Variants in MEI4 observed in about 807,000 individuals in gnomAD.
MEI4 encodes the protein meiosis-specific protein MEI4.
MEI4 carries 27 observed loss-of-function variants against 31.4 expected under a neutral mutation model. The ratio of observed to expected loss-of-function variants is 0.86; its 90% CI spans 0.63 to 1.19. MEI4 has a LOEUF of 1.19. MEI4 is among the 50% of genes most tolerant of loss of function. The pLI is 0.00. For missense variants in MEI4, 329 were observed against 398.9 expected (o/e 0.82, Z 1.49); for synonymous variants, 122 against 145.4 (o/e 0.84, Z 1.16).
At chr6:77,706,988 AAC>A (rs1766346555) in intron 2 of MEI4, among the ~76,000 whole-genome samples, 1 of 148,594 alleles carries the variant, frequency 6.7e-6, no homozygotes, top group Non-Finnish European at 1.5e-5. Flanking sequence ...ATTGGTACTA[AAC>A]AATGTGACGT....
At chr6:77,694,488 C>T (rs1161146593) in intron 2 of MEI4, among the ~76,000 whole-genome samples, 2 of 151,502 alleles carry the variant, frequency 1.3e-5, no homozygotes, top group Admixed American at 1.3e-4. Flanking sequence ...GTTCAATTCC[C>T]ACCTATGAGT....
chr6:77,745,715 G>T (rs199618412), intron 2 of MEI4, among the ~76,000 whole-genome samples: 1 of 151,850 alleles, frequency 6.6e-6, no homozygotes, highest in Non-Finnish European at 1.5e-5. Flanking sequence ...ACCACATACT[G>T]GGAAGTAAAG....
intron 1 of MEI4, among the ~76,000 whole-genome samples, chr6:77,656,115 C>T (rs190998457): frequency 1.3e-5 from 2 of 152,164 alleles, no homozygotes; most frequent in East Asian, 3.9e-4. Context: ...TGGCAGAACT[C>T]TGGAAAATAA....
In MEI4 at chr6:77,859,724, T is replaced by G. The variant is rs541884089; in HGVS notation, c.900+30662T>G. The stretch of plus-strand genomic sequence containing the variant: ...TCTTATTGGGGCTACTCGTGCATAT[T>G]AAATCATGGAAAAAGAATCTCTTGA... On this transcript the variant is annotated intron_variant, in intron 4 of 4. Coordinates refer to ENST00000684080, the MANE Select transcript of MEI4 (RefSeq NM_001322247.2). Among the ~76,000 whole-genome samples, 48 of 152,316 alleles carry G rather than the reference T, an allele frequency of 3.2e-4. No individual in the cohort carries two copies. The South Asian group carries it at 9.5e-3, about 30-fold the overall frequency.
At chr6:77,807,227 A>T (rs991953531) in intron 3 of MEI4, among the ~76,000 whole-genome samples, 7 of 152,026 alleles carry the variant, frequency 4.6e-5, no homozygotes, top group African/African-American at 1.7e-4. Flanking sequence ...GTGAGTTAAG[A>T]AGTAATTTTA....
intron 4 of MEI4, among the ~76,000 whole-genome samples, chr6:77,916,606 T>A (rs1436443882): frequency 1.3e-5 from 2 of 152,042 alleles, no homozygotes. Flanking sequence ...GTATTCCAAA[T>A]CTTTGTTGTC....
At chr6:77,747,365 C>A (rs1460102282) in intron 2 of MEI4, among the ~76,000 whole-genome samples, 1 of 151,992 alleles carries the variant, frequency 6.6e-6, no homozygotes, top group Non-Finnish European at 1.5e-5. Context: ...GTATAGTTTA[C>A]AAAGAAAATA....
chr6:77,890,108 G>C lies in MEI4; in HGVS notation c.901-32981G>C, dbSNP rs1487551552. Among the ~76,000 whole-genome samples, 3 of 152,280 alleles carry C rather than the reference G, an allele frequency of 2.0e-5. No individual in the cohort carries two copies. In the East Asian group the frequency reaches 5.8e-4, roughly 29 times the overall value. Reference sequence around the variant, plus strand: ...CAGTCCCCATATACAGTCTCCACTGGGGCACTACCTAGTGGAACTGTCAGA... The same window carrying C: ...CAGTCCCCATATACAGTCTCCACTGCGGCACTACCTAGTGGAACTGTCAGA... On this transcript the variant is annotated intron_variant, in intron 4 of 4. Coordinates refer to ENST00000684080, the MANE Select transcript of MEI4 (RefSeq NM_001322247.2).
intron 2 of MEI4, among the ~76,000 whole-genome samples, chr6:77,738,331 G>A (rs910739554): frequency 2.6e-5 from 4 of 152,296 alleles, no homozygotes; most frequent in African/African-American, 4.8e-5. Flanking sequence ...GCATTTGAGA[G>A]TGATACCTCT....
At chr6:77,769,301 T>C (rs1606447) in intron 3 of MEI4, among the ~76,000 whole-genome samples, 127,306 of 152,166 alleles carry the variant, frequency 0.84, 53,842 homozygotes, top group African/African-American at 0.96. Flanking sequence ...ATAGAGGGAA[T>C]GTTTATACTA....
intron 2 of MEI4, among the ~76,000 whole-genome samples, chr6:77,726,684 A>G (rs1248964102): frequency 6.6e-6 from 1 of 152,144 alleles, no homozygotes; most frequent in African/African-American, 2.4e-5. Context: ...TGTGTGTGGG[A>G]TGTAGGAGAG....
intron 4 of MEI4, among the ~76,000 whole-genome samples, chr6:77,855,472 T>C (rs1044464012): frequency 6.6e-6 from 1 of 152,240 alleles, no homozygotes; most frequent in African/African-American, 2.4e-5. Context: ...GGCTGAGGTC[T>C]ATCTTACTCT....
intron 4 of MEI4, among the ~76,000 whole-genome samples, chr6:77,863,904 A>G (rs895998627): frequency 2.0e-5 from 3 of 152,206 alleles, no homozygotes; most frequent in African/African-American, 4.8e-5. Context: ...CTACAAGCCA[A>G]AAGAGAGTGG....
chr6:77,702,221 T>C lies in MEI4; in HGVS notation c.232+11318T>C, dbSNP rs896385767. ...TCACCTCTTTGTCCTTCTCACCCTG[T>C]TCCAGACGACGTACTGAGGAAACAT... On this transcript the variant is annotated intron_variant, in intron 2 of 4. Transcript: ENST00000684080. Among the ~76,000 whole-genome samples, 8 of 152,308 alleles carry C rather than the reference T, an allele frequency of 5.3e-5. No homozygotes were observed. In the East Asian group the frequency reaches 1.5e-3, roughly 29 times the overall value.
At chr6:77,855,862 ATCT>A (rs1178329975) in intron 4 of MEI4, among the ~76,000 whole-genome samples, 5 of 152,296 alleles carry the variant, frequency 3.3e-5, no homozygotes, top group East Asian at 3.9e-4. Flanking sequence ...GAATATTCTA[ATCT>A]TCTTATCACA....
At chr6:77,871,928 A>C (rs1325749401) in intron 4 of MEI4, among the ~76,000 whole-genome samples, 1 of 152,148 alleles carries the variant, frequency 6.6e-6, no homozygotes, top group East Asian at 1.9e-4. Context: ...TTTCTAGAAT[A>C]TTATTGGCTT....
intron 1 of MEI4, among the ~76,000 whole-genome samples, chr6:77,657,136 C>G (rs571123847): frequency 1.3e-5 from 2 of 152,070 alleles, no homozygotes; most frequent in Non-Finnish European, 2.9e-5. Context: ...GGCTACTGCA[C>G]GAGATCACTG....
Position 77,926,583 on chromosome 6 carries a change from G to A in MEI4, c.*3237G>A, listed in dbSNP as rs1581990170. 1.3e-5 allele frequency: 2 copies of A among 151,878 alleles called. No individual in the cohort carries two copies. Among genetic ancestry groups the A allele is most frequent in the East Asian group, 3.9e-4 (2 of 5,178 alleles). The allele number at this position is 151,878 out of a possible 1,614,324, so 9.4% of individuals were successfully genotyped here. A position where few individuals can be genotyped will look rare whatever the true frequency, so the allele number is the denominator to read the frequency against. ...TATTTCAAGAGAGGCAGGGAAACAA[G>A]GCATTTGCATTTCCAAAATTTTATG... On this transcript the variant is annotated 3_prime_UTR_variant, in exon 5 of 5. Transcript: ENST00000684080.
In MEI4 at chr6:77,926,559, A is replaced by G. The variant is rs562407976; in HGVS notation, c.*3213A>G. 1 of 151,886 alleles carries G rather than the reference A, an allele frequency of 6.6e-6. No homozygotes were observed. The highest frequency in any genetic ancestry group is 2.4e-5 in the African/African-American group (1 of 41,374). The allele number at this position is 151,886 out of a possible 1,614,324, so 9.4% of individuals were successfully genotyped here. On this transcript the variant is annotated 3_prime_UTR_variant, in exon 5 of 5. Coordinates refer to ENST00000684080, the MANE Select transcript of MEI4 (RefSeq NM_001322247.2). ...GTTGTCTTTTAGCCAAGGTCAGCAT[A>G]TTTCAAGAGAGGCAGGGAAACAAGG...
Sources: allele counts gnomAD v4.1 joint callset (sites outside exome capture counted in the v4.1 genomes callset), GRCh38; gene constraint gnomAD v4.1.1; transcripts MANE v1.5; gene names NCBI Gene and HGNC (gene_info 2026-07-23, HGNC 2026-07-21).